Variants in SYNE1 observed in about 807,000 individuals in gnomAD.
SYNE1 encodes the protein nesprin-1.
Under a neutral mutation model 1,111.0 loss-of-function variants are expected in SYNE1, and 616 were observed. The ratio of observed to expected loss-of-function variants is 0.55; its 90% confidence interval spans 0.52 to 0.59. SYNE1 has a LOEUF of 0.59. Ranked by LOEUF, SYNE1 falls within the 20% of genes least tolerant of loss-of-function variation. SYNE1 has a pLI of 0.00. For missense variants in SYNE1, 10,006 were observed against 10,417.0 expected, an observed-to-expected ratio of 0.96 and a Z score of 1.72; for synonymous variants, 3,855 against 3,825.8, an observed-to-expected ratio of 1.01 and a Z score of -0.28.
intron 127 of SYNE1, 70 bp from the exon 128 acceptor site, chr6:152,189,477 C>T (rs1349859971): frequency 1.6e-5 from 24 of 1,494,660 alleles, no homozygotes; most frequent in African/African-American, 2.8e-5. Context: ...GTTTTTGAAT[C>T]CCCTCTTGAT....
chr6:152,185,569 A>G, intron 128 of SYNE1, among the ~76,000 whole-genome samples: 1 of 152,248 alleles, frequency 6.6e-6, no homozygotes, highest in East Asian at 1.9e-4. Flanking sequence ...ATTGGTTTAA[A>G]TATTATTTTT....
At position 152,331,444 on chromosome 6, in the gene SYNE1, T is replaced by C. The variant is rs2096246036; in HGVS notation, c.13241A>G (p.Asp4414Gly). 6.2e-7 allele frequency: 1 copy of C among 1,614,028 alleles called. No homozygotes were observed. Among genetic ancestry groups the C allele is most frequent in the African/African-American group, 1.3e-5 (1 of 74,900 alleles). The change falls in exon 78 of 146, where the codon GAT becomes GGT. Residue 4414 changes from aspartate (D) to glycine (G), a missense_variant. Transcript: ENST00000367255. Reference sequence around the variant, plus strand: ...GACCTGTCGCTCATTGAGACCAAGATCTGCCATGACCCTGTCTGCGTCCTT... The same window carrying C: ...GACCTGTCGCTCATTGAGACCAAGACCTGCCATGACCCTGTCTGCGTCCTT... ...LIKDADRVMADLGLNERQVIQ... is the reference protein window; with the variant it reads ...LIKDADRVMAGLGLNERQVIQ...
chr6:152,522,076 C>A (rs1450669569), intron 5 of SYNE1, among the ~76,000 whole-genome samples: 1 of 138,134 alleles, frequency 7.2e-6, no homozygotes, highest in African/African-American at 2.5e-5. Context: ...ATTTCCTGTT[C>A]CATTTTTTTT....
At chr6:152,235,207 T>C (rs2083720588) in intron 110 of SYNE1, among the ~76,000 whole-genome samples, 4 of 152,172 alleles carry the variant, frequency 2.6e-5, no homozygotes. Flanking sequence ...GTTTTCTCTT[T>C]CTCTCCCTCT....
intron 4 of SYNE1, among the ~76,000 whole-genome samples, chr6:152,531,651 C>T (rs1260922978): frequency 5.9e-5 from 9 of 152,154 alleles, no homozygotes; most frequent in Non-Finnish European, 1.5e-5. Context: ...AACAACTAGC[C>T]ATTCCCTCTG....
At chr6:152,325,780 T>C (rs1053636547) in intron 80 of SYNE1, among the ~76,000 whole-genome samples, 178 bp downstream of exon 80, 7 of 152,216 alleles carry the variant, frequency 4.6e-5, no homozygotes, top group Admixed American at 4.6e-4. Flanking sequence ...GCATTTCCAA[T>C]GGGAATCCTA....
chr6:152,246,392 C>T (rs1301767451), intron 105 of SYNE1, among the ~76,000 whole-genome samples: 1 of 150,946 alleles, frequency 6.6e-6, no homozygotes, highest in Non-Finnish European at 1.5e-5. Context: ...ATAATGTATT[C>T]ATTAAAAAAA....
chr6:152,392,441 T>C (rs1243527391), intron 51 of SYNE1, among the ~76,000 whole-genome samples: 4 of 152,186 alleles, frequency 2.6e-5, no homozygotes, highest in Non-Finnish European at 5.9e-5. Context: ...AATTCTTATC[T>C]GCACATTTAC....
At chr6:152,366,110 G>A (rs962852346) in intron 62 of SYNE1, among the ~76,000 whole-genome samples, 4 of 151,710 alleles carry the variant, frequency 2.6e-5, no homozygotes, top group Admixed American at 2.0e-4. Flanking sequence ...AGGTGGGCAG[G>A]TCACCTGAGG....
intron 127 of SYNE1, among the ~76,000 whole-genome samples, chr6:152,196,927 A>T (rs910324108): frequency 6.6e-6 from 1 of 152,132 alleles, no homozygotes; most frequent in African/African-American, 2.4e-5. Flanking sequence ...CCATGGTAGC[A>T]AGTGCTTGTC....
intron 4 of SYNE1, among the ~76,000 whole-genome samples, chr6:152,529,220 C>T (rs186588404): frequency 6.6e-6 from 1 of 152,166 alleles, no homozygotes; most frequent in East Asian, 1.9e-4. Flanking sequence ...CATAGAAATA[C>T]CTACTAAATA....
chr6:152,390,661 T>G (rs1270575057), intron 52 of SYNE1, among the ~76,000 whole-genome samples: 1 of 152,196 alleles, frequency 6.6e-6, no homozygotes, highest in Non-Finnish European at 1.5e-5. Context: ...CCAATATAAA[T>G]TCTTAGAAAA....
At position 152,189,246 on chromosome 6, in the gene SYNE1, T is replaced by C; in HGVS notation, c.23301+6A>G. On this transcript the variant is annotated splice_donor_region_variant and intron_variant, in intron 128 of 145. Coordinates refer to ENST00000367255, the MANE Select transcript of SYNE1 (RefSeq NM_182961.4). The stretch of plus-strand genomic sequence containing the variant: ...AAGATAATTCCATTTTTAGAACTTA[T>C]CTTACCTGGTGGCATAGTTCTTCCC... 4 of 1,613,590 alleles carry C rather than the reference T, an allele frequency of 2.5e-6. No individual in the cohort carries two copies. The highest frequency in any genetic ancestry group is 2.2e-5 in the East Asian group (1 of 44,844).
At chr6:152,451,574 C>T (rs1363831372) in intron 25 of SYNE1, among the ~76,000 whole-genome samples, 2 of 147,268 alleles carry the variant, frequency 1.4e-5, no homozygotes, top group African/African-American at 5.0e-5. Flanking sequence ...CCTCCACATC[C>T]TGGGTTCAAG....
Position 152,223,343 on chromosome 6 carries a change from C to T in SYNE1, c.21522+1151G>A, listed in dbSNP as rs914766030. Among the ~76,000 whole-genome samples, 8 of 152,202 alleles carry T rather than the reference C, an allele frequency of 5.3e-5. No homozygotes were observed. The East Asian group carries it at 1.2e-3, about 22-fold the overall frequency. ...AAAATATTTCCTTAAGAAAGTCGGC[C>T]GGGCATGGTGGCTCATGCCTGTAAT... is the stretch of plus-strand genomic sequence containing the variant. On this transcript the variant is annotated intron_variant, in intron 117 of 145. Coordinates refer to ENST00000367255, the MANE Select transcript of SYNE1 (RefSeq NM_182961.4).
At position 152,132,113 on chromosome 6, in the gene SYNE1, GA is replaced by G; in HGVS notation, c.26094+8del. On this transcript the variant is annotated splice_region_variant and intron_variant, in intron 144 of 145. Coordinates refer to ENST00000367255, the MANE Select transcript of SYNE1 (RefSeq NM_182961.4). Reference sequence around the variant, plus strand: ...ATGGGCCAACTGAAAACGACCAGTGGAAAGTTACCGTTTTCTGTCTGTTTGG... The same window carrying G: ...ATGGGCCAACTGAAAACGACCAGTGGAAGTTACCGTTTTCTGTCTGTTTGG... 6.2e-7 allele frequency: 1 copy of G among 1,613,588 alleles called. No homozygotes were observed. The highest frequency in any genetic ancestry group is 8.5e-7 in the Non-Finnish European group (1 of 1,179,514).
chr6:152,190,282 A>G (rs1444227850), intron 127 of SYNE1, among the ~76,000 whole-genome samples: 3 of 152,118 alleles, frequency 2.0e-5, no homozygotes, highest in Non-Finnish European at 4.4e-5. Flanking sequence ...CTCTAACTCT[A>G]GTCCTCTTGA....
intron 3 of SYNE1, among the ~76,000 whole-genome samples, chr6:152,589,573 A>T (rs1301705648): frequency 6.6e-6 from 1 of 152,150 alleles, no homozygotes; most frequent in Non-Finnish European, 1.5e-5. Flanking sequence ...TTTTCTAAAA[A>T]GTCTGCAGTC....
At chr6:152,563,384 G>A (rs776572719) in intron 3 of SYNE1, among the ~76,000 whole-genome samples, 5 of 152,024 alleles carry the variant, frequency 3.3e-5, no homozygotes, top group South Asian at 2.1e-4. Context: ...CAGTGCCAGC[G>A]TGTCTACAAA....
Sources: gnomAD v4.1 joint callset for allele counts (sites outside exome capture counted in the v4.1 genomes callset) on GRCh38, gnomAD v4.1.1 for gene constraint, MANE v1.5 for transcripts, NCBI Gene and HGNC (gene_info 2026-07-23, HGNC 2026-07-21) for gene names.